Variants in DLG2 observed in about 807,000 individuals in gnomAD.
DLG2 encodes the protein discs large MAGUK scaffold protein 2.
DLG2 carries 45 observed loss-of-function variants against 132.5 expected under a neutral mutation model. That is an observed-to-expected ratio of 0.34 (90% CI 0.27 to 0.44). DLG2 has a LOEUF of 0.44. Among genes scored for constraint, DLG2 ranks in the 20% least tolerant of loss-of-function variants. DLG2 has a pLI of 1.00. For synonymous variants in DLG2, 424 were observed against 419.6 expected (o/e 1.01, Z -0.13); for missense variants, 1,045 against 1,196.9 (o/e 0.87, Z 1.87).
At chr11:84,758,193 T>A (rs1449126607) in intron 6 of DLG2, among the ~76,000 whole-genome samples, 1 of 152,226 alleles carries the variant, frequency 6.6e-6, no homozygotes, top group Non-Finnish European at 1.5e-5. Context: ...TTTCTCTTTG[T>A]ACCTGTACTG....
intron 2 of DLG2, among the ~76,000 whole-genome samples, chr11:85,600,926 T>C (rs1269907481): frequency 2.6e-5 from 4 of 152,216 alleles, no homozygotes; most frequent in Non-Finnish European, 5.9e-5. Context: ...AGCCCAAATT[T>C]GTAGCATTTG....
At chr11:85,462,336 G>A (rs372200488) in intron 3 of DLG2, among the ~76,000 whole-genome samples, 20 of 152,146 alleles carry the variant, frequency 1.3e-4, no homozygotes, top group African/African-American at 2.9e-4. Flanking sequence ...ATGCTGCTAT[G>A]AAGACACATG....
chr11:83,629,299 G>A (rs1233181734), intron 19 of DLG2, among the ~76,000 whole-genome samples: 1 of 152,128 alleles, frequency 6.6e-6, no homozygotes, highest in African/African-American at 2.4e-5. Context: ...GTTTGATGAA[G>A]GTCTGAATAA....
chr11:84,841,181 T>C (rs545357073), intron 6 of DLG2, among the ~76,000 whole-genome samples: 5 of 151,938 alleles, frequency 3.3e-5, no homozygotes, highest in African/African-American at 1.2e-4. Context: ...TTCCGTTATA[T>C]AAGAAAAATT....
intron 6 of DLG2, among the ~76,000 whole-genome samples, chr11:84,819,500 CT>C (rs2077447422): frequency 6.6e-6 from 1 of 151,772 alleles, no homozygotes; most frequent in South Asian, 2.1e-4. Context: ...AAAATGAGCC[CT>C]TTTCATGCCT....
intron 3 of DLG2, among the ~76,000 whole-genome samples, chr11:85,287,289 T>A (rs2078618829): frequency 6.6e-6 from 1 of 151,810 alleles, no homozygotes; most frequent in Non-Finnish European, 1.5e-5. Context: ...AGGAACAGTA[T>A]CCAGATATGA....
chr11:84,685,594 C>T (rs1009379850), intron 6 of DLG2, among the ~76,000 whole-genome samples: 2 of 152,218 alleles, frequency 1.3e-5, no homozygotes, highest in Non-Finnish European at 2.9e-5. Flanking sequence ...ATTTATTTAT[C>T]TGCCAGAGGA....
At chr11:83,956,450 G>A (rs186765080) in intron 14 of DLG2, among the ~76,000 whole-genome samples, 4 of 152,294 alleles carry the variant, frequency 2.6e-5, no homozygotes, top group Admixed American at 1.3e-4. Flanking sequence ...ATGCCACCAC[G>A]CTCCCCTCCA....
At chr11:85,333,939 GC>G (rs1455090444) in intron 3 of DLG2, among the ~76,000 whole-genome samples, 1 of 151,852 alleles carries the variant, frequency 6.6e-6, no homozygotes, top group African/African-American at 2.4e-5. Context: ...GAATGATCCT[GC>G]CCTCACAGAA....
chr11:85,022,383 T>C (rs1431391985), intron 6 of DLG2, among the ~76,000 whole-genome samples: 2 of 152,008 alleles, frequency 1.3e-5, no homozygotes, highest in Admixed American at 1.3e-4. Flanking sequence ...AAAAATAATA[T>C]ATACTTTGCG....
intron 2 of DLG2, among the ~76,000 whole-genome samples, chr11:85,621,387 C>G (rs1200777913): frequency 6.6e-6 from 1 of 152,114 alleles, no homozygotes; most frequent in African/African-American, 2.4e-5. Context: ...ACTTTCAAGC[C>G]TTATTATTTA....
chr11:84,277,906 G>A (rs1379923632), intron 7 of DLG2, among the ~76,000 whole-genome samples: 2 of 152,056 alleles, frequency 1.3e-5, no homozygotes, highest in Non-Finnish European at 2.9e-5. Flanking sequence ...AAATCTTTAT[G>A]TATGTAGGTA....
intron 7 of DLG2, among the ~76,000 whole-genome samples, chr11:84,446,652 A>T (rs79861372): frequency 6.6e-6 from 1 of 152,038 alleles, no homozygotes; most frequent in Non-Finnish European, 1.5e-5. Flanking sequence ...TTCCACTCCT[A>T]ATAGAAACAT....
At chr11:85,118,746 G>C (rs531807787) in intron 5 of DLG2, among the ~76,000 whole-genome samples, 2 of 151,858 alleles carry the variant, frequency 1.3e-5, no homozygotes, top group South Asian at 2.1e-4. Context: ...GACTGGACCC[G>C]GGTTACAATG....
chr11:84,761,441 G>A (rs916900182), intron 6 of DLG2, among the ~76,000 whole-genome samples: 11 of 152,134 alleles, frequency 7.2e-5, no homozygotes, highest in Non-Finnish European at 1.5e-4. Context: ...CTGTGAGGGT[G>A]TTGCCAAAGG....
At chr11:84,070,404 T>C (rs956200305) in intron 10 of DLG2, among the ~76,000 whole-genome samples, 6 of 152,322 alleles carry the variant, frequency 3.9e-5, no homozygotes, top group African/African-American at 1.4e-4. Context: ...TTGTCCATAA[T>C]GTCCCAATTG....
At chr11:84,772,443 G>T (rs183673619) in intron 6 of DLG2, among the ~76,000 whole-genome samples, 175 of 152,162 alleles carry the variant, frequency 1.2e-3, no homozygotes, top group Non-Finnish European at 1.6e-3. Context: ...TGACAAGCTG[G>T]ATCTAATAGA....
At chr11:84,878,971 T>C (rs775813098) in intron 6 of DLG2, among the ~76,000 whole-genome samples, 1 of 152,158 alleles carries the variant, frequency 6.6e-6, no homozygotes, top group African/African-American at 2.4e-5. Context: ...GTGGTTGAGG[T>C]AGGATTACAT....
chr11:83,915,575 T>C (rs906284745), intron 15 of DLG2, among the ~76,000 whole-genome samples: 2 of 152,192 alleles, frequency 1.3e-5, no homozygotes, highest in African/African-American at 4.8e-5. Flanking sequence ...GAATAATTTA[T>C]TTGAATAACC....
Sources: allele counts gnomAD v4.1 joint callset (sites outside exome capture counted in the v4.1 genomes callset), GRCh38; gene constraint gnomAD v4.1.1; transcripts MANE v1.5; gene names NCBI Gene and HGNC (gene_info 2026-07-23, HGNC 2026-07-21).